Variants in PDCD6 observed in about 807,000 individuals in gnomAD.
The protein encoded by PDCD6 is programmed cell death protein 6.
Under a neutral mutation model 28.3 loss-of-function variants are expected in PDCD6, and 12 were observed. The ratio of observed to expected loss-of-function variants is 0.42; its 90% CI spans 0.27 to 0.69. The LOEUF (loss-of-function observed/expected upper bound fraction) is 0.69, where lower values mean the gene tolerates loss of function less well. Ranked by LOEUF, PDCD6 falls within the 30% of genes least tolerant of loss-of-function variation. The pLI is 0.22. For missense variants in PDCD6, 226 were observed against 269.9 expected (o/e 0.84, Z 1.14); for synonymous variants, 92 against 108.0 (o/e 0.85, Z 0.92).
chr5:295,162 CAG>C (rs1438503939), intron 2 of PDCD6, among the ~76,000 whole-genome samples: 3 of 152,252 alleles, frequency 2.0e-5, no homozygotes, highest in Admixed American at 6.5e-5. Flanking sequence ...AAGTCAAAGA[CAG>C]AGGGTGTCAC....
chr5:297,532 T>C (rs1739695479), intron 2 of PDCD6, among the ~76,000 whole-genome samples: 1 of 152,248 alleles, frequency 6.6e-6, no homozygotes, highest in African/African-American at 2.4e-5. Flanking sequence ...ACACATTTCA[T>C]GTGTGCACTT....
intron 2 of PDCD6, among the ~76,000 whole-genome samples, chr5:282,813 A>G (rs1738670086): frequency 6.6e-6 from 1 of 152,210 alleles, no homozygotes; most frequent in African/African-American, 2.4e-5. Flanking sequence ...CTGATGTTCT[A>G]GTTTGAGGAT....
chr5:280,493 G>C (rs1738497231), intron 2 of PDCD6, among the ~76,000 whole-genome samples: 2 of 151,428 alleles, frequency 1.3e-5, no homozygotes. Context: ...CCGAAGTAGA[G>C]GGCAGGGCTG....
rs1008070064 is a variant in PDCD6, at chr5:306,815, G to T, written c.367+55G>T. 11 of 1,556,986 alleles carry T rather than the reference G, an allele frequency of 7.1e-6. No individual in the cohort carries two copies. In the African/African-American group the frequency reaches 1.4e-4, roughly 19 times the overall value. On this transcript the variant is annotated intron_variant, in intron 4 of 5. Coordinates refer to ENST00000264933, the MANE Select transcript of PDCD6 (RefSeq NM_013232.4). ...TGTTTCATTTTGGAACCTTGGAGCC[G>T]TTGAAGTTCTTTAAACCTTGTTGGA...
chr5:284,754 G>C (rs1455262440), intron 2 of PDCD6, among the ~76,000 whole-genome samples: 1 of 150,162 alleles, frequency 6.7e-6, no homozygotes, highest in African/African-American at 2.5e-5. Context: ...AGACACCGCG[G>C]GGAGCTCATG....
At chr5:296,350 G>A (rs1348612272) in intron 2 of PDCD6, among the ~76,000 whole-genome samples, 2 of 151,908 alleles carry the variant, frequency 1.3e-5, no homozygotes, top group East Asian at 1.9e-4. Context: ...CTGCTCTCTC[G>A]CCACAGAGGG....
At chr5:286,276 AC>A (rs1469789608) in intron 2 of PDCD6, among the ~76,000 whole-genome samples, 1 of 147,716 alleles carries the variant, frequency 6.8e-6, no homozygotes, top group African/African-American at 2.6e-5. Context: ...GCAGCTGGAG[AC>A]CCAGCGGGGA....
chr5:289,795 C>T (rs564564339), intron 2 of PDCD6: 98 of 1,117,072 alleles, frequency 8.8e-5, no homozygotes, highest in African/African-American at 6.7e-4. Flanking sequence ...TGGTCGATTA[C>T]GTGGTCTGGG....
Position 271,764 on chromosome 5 carries a change from G to A in PDCD6, c.44G>A (p.Gly15Glu). Residue 15 changes from glycine (G) to glutamate (E), a missense_variant, in exon 1 of 6, where the codon GGG becomes GAG. Gly to Glu is a moderately conservative substitution (Grantham distance 98). This residue lies in a region of PDCD6 where 72 missense variants were observed against 71.4 expected (regional missense o/e 1.01). Coordinates refer to ENST00000264933, the MANE Select transcript of PDCD6 (RefSeq NM_013232.4). The part of the protein sequence containing the change: ...SYRPGPGAGP[G>E]PAAGAALPDQ... The stretch of plus-strand genomic sequence containing the variant: ...CGCCCCGGCCCTGGGGCCGGCCCTG[G>A]GCCTGCTGCAGGCGCGGCGCTGCCG... 6.6e-7 allele frequency: 1 copy of A among 1,504,520 alleles called. No individual in the cohort carries two copies. Among genetic ancestry groups the A allele is most frequent in the Non-Finnish European group, 8.8e-7 (1 of 1,133,346 alleles). 93.2% of individuals were successfully genotyped at this position (1,504,520 alleles called of 1,614,324 possible). A position where few individuals can be genotyped will look rare whatever the true frequency, so the allele number is the denominator to read the frequency against.
chr5:277,301 A>ATTTTTTTTTT (rs74799424), intron 2 of PDCD6, among the ~76,000 whole-genome samples: 3 of 86,188 alleles, frequency 3.5e-5, no homozygotes, highest in Non-Finnish European at 6.5e-5. Context: ...AATTTTTTGT[A>ATTTTTTTTTT]TTTTTTTTTT....
chr5:284,388 T>C (rs1446702948), intron 2 of PDCD6, among the ~76,000 whole-genome samples: 1 of 152,094 alleles, frequency 6.6e-6, no homozygotes, highest in African/African-American at 2.4e-5. Flanking sequence ...CGTAGCTGAA[T>C]ACTCCAGGAG....
chr5:272,895 T>C (rs16900793), intron 2 of PDCD6, 123 bp downstream of exon 2: 3 of 1,394,058 alleles, frequency 2.2e-6, no homozygotes, highest in East Asian at 2.4e-5. Context: ...CAAATTGTTA[T>C]TACTGCTTCG....
chr5:285,991 C>A (rs1445301301), intron 2 of PDCD6, among the ~76,000 whole-genome samples: 8 of 151,240 alleles, frequency 5.3e-5, no homozygotes, highest in Non-Finnish European at 7.4e-5. Context: ...CAGCTGGAGA[C>A]CCAGGTGGGA....
Position 311,498 on chromosome 5 carries a change from G to C in PDCD6, c.477+96G>C, listed in dbSNP as rs1293360365. 4 of 786,348 alleles carry C rather than the reference G, an allele frequency of 5.1e-6. No homozygotes were observed. The African/African-American group carries it at 5.2e-5, about 10-fold the overall frequency. 48.7% of individuals were successfully genotyped at this position (786,348 alleles called of 1,614,324 possible). A position where few individuals can be genotyped will look rare whatever the true frequency, so the allele number is the denominator to read the frequency against. On this transcript the variant is annotated intron_variant, in intron 5 of 5. Coordinates refer to ENST00000264933, the MANE Select transcript of PDCD6 (RefSeq NM_013232.4). ...ACCTTCAATCTAAGGAGCTGGGCAT[G>C]TGTAGAATTAGTTTTTGGAGCTTAT...
Position 307,798 on chromosome 5 carries a change from G to T in PDCD6, c.367+1038G>T, listed in dbSNP as rs6865205. ...TTATCTAAGCACGTCGCCTCTCCTC[G>T]TGTTTCCTCCCAGCATGCACTTTGT... On this transcript the variant is annotated intron_variant, in intron 4 of 5. Transcript: ENST00000264933. The surrounding 1 kb of genome is among the most constrained non-coding windows in gnomAD (Gnocchi z 6.1). Among the ~76,000 whole-genome samples, 1 of 151,934 alleles carries T rather than the reference G, an allele frequency of 6.6e-6. No individual in the cohort carries two copies. Among genetic ancestry groups the T allele is most frequent in the Admixed American group, 6.6e-5 (1 of 15,258 alleles).
chr5:303,983 G>C (rs1740302464), intron 2 of PDCD6, among the ~76,000 whole-genome samples, 194 bp from the exon 3 acceptor site: 1 of 151,462 alleles, frequency 6.6e-6, no homozygotes, highest in South Asian at 2.1e-4. Flanking sequence ...CACACAGCAG[G>C]GTGTGAACCC....
intron 1 of PDCD6, among the ~76,000 whole-genome samples, chr5:272,424 T>C (rs1053533489): frequency 6.1e-5 from 9 of 148,294 alleles, no homozygotes; most frequent in African/African-American, 2.3e-4. Flanking sequence ...GGGAATCTTG[T>C]CTTGTCTGTG....
At chr5:279,026 G>A (rs546688619) in intron 2 of PDCD6, among the ~76,000 whole-genome samples, 19 of 152,186 alleles carry the variant, frequency 1.2e-4, no homozygotes, top group African/African-American at 4.1e-4. Flanking sequence ...AGAGAGGCCC[G>A]TTGAGGCTTC....
At chr5:273,646 G>A (rs989438694) in intron 2 of PDCD6, among the ~76,000 whole-genome samples, 3 of 152,188 alleles carry the variant, frequency 2.0e-5, no homozygotes, top group African/African-American at 7.2e-5. Flanking sequence ...GAACTGGGGC[G>A]CGGGGAGCAC....
Sources: allele counts gnomAD v4.1 joint callset (sites outside exome capture counted in the v4.1 genomes callset), GRCh38; gene constraint gnomAD v4.1.1; regional missense constraint gnomAD v4.1.1; non-coding constraint Gnocchi (gnomAD v3.1); transcripts MANE v1.5; gene names NCBI Gene and HGNC (gene_info 2026-07-23, HGNC 2026-07-21).